CACNG8: variants seen among roughly 807,000 people sequenced by gnomAD.
CACNG8 encodes voltage-dependent calcium channel gamma-8 subunit.
A neutral mutation model predicts 26.9 loss-of-function variants in CACNG8; 5 were observed. The observed-to-expected ratio is 0.19, with a 90% CI of 0.10 to 0.39. The LOEUF (loss-of-function observed/expected upper bound fraction) is 0.39, where lower values mean the gene tolerates loss of function less well. Ranked by LOEUF, CACNG8 falls within the 10% of genes least tolerant of loss-of-function variation. CACNG8 has a pLI of 1.00. For missense variants in CACNG8, 473 were observed against 609.4 expected, an observed-to-expected ratio of 0.78 and a Z score of 2.36; for synonymous variants, 321 against 296.7, an observed-to-expected ratio of 1.08 and a Z score of -0.84.
chr19:53,976,861 T>C (rs113170680), intron 1 of CACNG8, among the ~76,000 whole-genome samples: 3,888 of 152,140 alleles, frequency 0.026, 150 homozygotes, highest in African/African-American at 0.081. Flanking sequence ...TTAGTAGAGA[T>C]AGGGTTTCAC....
At chr19:53,981,219 A>G (rs2069365774) in intron 3 of CACNG8, among the ~76,000 whole-genome samples, 1 of 152,164 alleles carries the variant, frequency 6.6e-6, no homozygotes, top group East Asian at 1.9e-4. Context: ...TCATTAACAG[A>G]GTTCAAAGGA....
intron 1 of CACNG8, among the ~76,000 whole-genome samples, chr19:53,965,045 C>T (rs1600023473): frequency 1.3e-5 from 2 of 152,178 alleles, no homozygotes; most frequent in African/African-American, 2.4e-5. Context: ...GGCACCACCT[C>T]GCTGTTGGGG....
At position 53,982,950 on chromosome 19, in the gene CACNG8, G is replaced by T; in HGVS notation, c.*101G>T. On this transcript the variant is annotated 3_prime_UTR_variant, in exon 4 of 4. Transcript: ENST00000270458. This position sits in a 1 kb window ranked among gnomAD's most constrained non-coding sequence, Gnocchi z 8.4. Reference sequence around the variant, plus strand: ...GGGGCGCCCCCGCTTTCCCCCGTGAGCGCGCTGGAGACTGCTGGGCCCGCC... The same window carrying T: ...GGGGCGCCCCCGCTTTCCCCCGTGATCGCGCTGGAGACTGCTGGGCCCGCC... 1 of 791,416 alleles carries T rather than the reference G, an allele frequency of 1.3e-6. No individual in the cohort carries two copies. The highest frequency in any genetic ancestry group is 1.6e-6 in the Non-Finnish European group (1 of 611,470). The allele number at this position is 791,416 out of a possible 1,614,324, so 49.0% of individuals were successfully genotyped here. A position where few individuals can be genotyped will look rare whatever the true frequency, so the allele number is the denominator to read the frequency against.
rs749888350 is a variant in CACNG8 at position 53,979,861 on chromosome 19, C to G, written c.368-6C>G. 1 of 1,596,606 alleles carries G rather than the reference C, an allele frequency of 6.3e-7. No individual in the cohort carries two copies. The highest frequency in any genetic ancestry group is 8.5e-7 in the Non-Finnish European group (1 of 1,169,650). On this transcript the variant is annotated splice_region_variant and splice_polypyrimidine_tract_variant and intron_variant, in intron 2 of 3. Transcript: ENST00000270458. The stretch of plus-strand genomic sequence containing the variant: ...CCCTCCTTTTCCTTTCCTTCCTCCC[C>G]CGCAGGAGTTGTCCGGGCCTCCAGC...
chr19:53,970,681 C>T (rs2069297201), intron 1 of CACNG8, among the ~76,000 whole-genome samples: 1 of 151,904 alleles, frequency 6.6e-6, no homozygotes, highest in African/African-American at 2.4e-5. Flanking sequence ...CCCTGTAATC[C>T]CAGCATTTTG....
At chr19:53,972,328 CT>C (rs1171175449) in intron 1 of CACNG8, among the ~76,000 whole-genome samples, 10 of 126,636 alleles carry the variant, frequency 7.9e-5, no homozygotes, top group African/African-American at 1.2e-4. Context: ...TGCTTTCTTT[CT>C]TTTTTTTTTC....
rs779859768 is a variant in CACNG8, at chr19:53,978,244, G to A, written c.367+15G>A. The A allele has an allele frequency of 5.0e-6, 8 of 1,606,348 alleles. No individual in the cohort carries two copies. The highest frequency in any genetic ancestry group is 3.3e-5 in the South Asian group (3 of 90,456). On this transcript the variant is annotated intron_variant, in intron 2 of 3. Coordinates refer to ENST00000270458, the MANE Select transcript of CACNG8 (RefSeq NM_031895.6). ...GTATCTACTCCGTACGTGGGGGTCC[G>A]GGACAGACGTGGGGAGTGGGTCAAA...
At chr19:53,981,981 C>CCTCGA in intron 3 of CACNG8, 99 bp from the exon 4 acceptor site, 1 of 1,306,234 alleles carries the variant, frequency 7.7e-7, no homozygotes, top group Non-Finnish European at 9.9e-7. Context: ...CTGGGGGTGG[C>CCTCGA]GCCTGGGCCC....
Position 53,982,249 on chromosome 19 carries a change from C to T in CACNG8, c.678C>T (p.Ile226=), listed in dbSNP as rs200225520. The T allele has an allele frequency of 6.2e-7, 1 of 1,612,738 alleles. No homozygotes were observed. The highest frequency in any genetic ancestry group is 2.2e-5 in the East Asian group (1 of 44,830). Reference sequence around the variant, plus strand: ...TGATAGGCGTGCTGGCCGTCAACATCTACATCGAGCGCAGCCGCGAGGCGC... The same window carrying T: ...TGATAGGCGTGCTGGCCGTCAACATTTACATCGAGCGCAGCCGCGAGGCGC... Residue 226 remains isoleucine (I), a synonymous_variant, in exon 4 of 4, where the codon ATC becomes ATT. Transcript: ENST00000270458. The surrounding 1 kb of genome is among the most constrained non-coding windows in gnomAD (Gnocchi z 8.4).
At chr19:53,978,731 T>G (rs1212088974) in intron 2 of CACNG8, among the ~76,000 whole-genome samples, 4 of 31,970 alleles carry the variant, frequency 1.3e-4, no homozygotes, top group African/African-American at 2.7e-4. Context: ...GTTTTAGGGG[T>G]GGGTGGAAAG....
At chr19:53,980,970 C>T (rs2145941435) in intron 3 of CACNG8, among the ~76,000 whole-genome samples, 1 of 151,908 alleles carries the variant, frequency 6.6e-6, no homozygotes, top group African/African-American at 2.4e-5. Context: ...ATCTGAAAGG[C>T]CGGAGTAGCT....
rs774967866 is a variant in CACNG8 at position 53,982,084 on chromosome 19, G to A, written c.513G>A (p.Leu171=). 1.3e-6 allele frequency: 2 copies of A among 1,582,492 alleles called. No individual in the cohort carries two copies. Among genetic ancestry groups the A allele is most frequent in the Admixed American group, 1.8e-5 (1 of 55,080 alleles). ...CGTCTGACCGTCCCCGCCCAGGCCT[G>A]AGCAACATCATCGGCGTGATCGTGT... Residue 171 remains leucine (L), a synonymous_variant, in exon 4 of 4, where the codon CTG becomes CTA. Transcript: ENST00000270458. This position sits in a 1 kb window ranked among gnomAD's most constrained non-coding sequence, Gnocchi z 8.4.
rs35381014 is a variant in CACNG8, at chr19:53,985,937, C to CGAGAGAGAGAGAGAGAGAGA, written c.*3093_*3112dup. The CGAGAGAGAGAGAGAGAGAGA allele has an allele frequency of 1.4e-5, 2 of 146,658 alleles. No individual in the cohort carries two copies. Among genetic ancestry groups the CGAGAGAGAGAGAGAGAGAGA allele is most frequent in the African/African-American group, 2.5e-5 (1 of 39,250 alleles). 9.1% of individuals were successfully genotyped at this position (146,658 alleles called of 1,614,324 possible). On this transcript the variant is annotated 3_prime_UTR_variant, in exon 4 of 4. Transcript: ENST00000270458. ...TCTAGAGTCTGAAGGCCAAACAGAACGAGAGAGAGAGAGAGAGAGAGAGAA... is the reference window on the plus strand; with the variant it reads ...TCTAGAGTCTGAAGGCCAAACAGAACGAGAGAGAGAGAGAGAGAGAGAGAGAGAGAGAGAGAGAGAGAGAA...
chr19:53,979,230 C>T (rs1448390464), intron 2 of CACNG8, among the ~76,000 whole-genome samples: 2 of 142,012 alleles, frequency 1.4e-5, no homozygotes, highest in Non-Finnish European at 3.0e-5. Context: ...TGAAGACATA[C>T]GAGGCCAAGC....
At position 53,963,539 on chromosome 19, in the gene CACNG8, C is replaced by T. The variant is rs535795383; in HGVS notation, c.283+114C>T. On this transcript the variant is annotated intron_variant, in intron 1 of 3. Transcript: ENST00000270458. ...GGCCCCCTTGGGCACCCCTCCTCCT[C>T]TGCCAGAGGGGCTTCTGCGCCTTCC... 29 of 1,079,294 alleles carry T rather than the reference C, an allele frequency of 2.7e-5. No individual in the cohort carries two copies. In the South Asian group the frequency reaches 3.7e-4, roughly 14 times the overall value. The allele number at this position is 1,079,294 out of a possible 1,614,324, so 66.9% of individuals were successfully genotyped here.
chr19:53,981,731 G>T (rs1042809072), intron 3 of CACNG8, among the ~76,000 whole-genome samples: 1 of 151,992 alleles, frequency 6.6e-6, no homozygotes, highest in Non-Finnish European at 1.5e-5. Flanking sequence ...ATGCAGTCTG[G>T]ACCATTGGCG....
chr19:53,978,334 T>G, intron 2 of CACNG8, 105 bp downstream of exon 2: 1 of 802,292 alleles, frequency 1.2e-6, no homozygotes, highest in Non-Finnish European at 2.1e-6. Flanking sequence ...GGCACTTGGA[T>G]CGACACGCCG....
chr19:53,981,111 G>T lies in CACNG8; in HGVS notation c.509-969G>T, dbSNP rs571630347. On this transcript the variant is annotated intron_variant, in intron 3 of 3. Transcript: ENST00000270458. ...CCTGCTTTATTAAAGGCAAATTTTTGACCAGTAGGGGAGGGCCTAGAATGG... is the reference window on the plus strand; with the variant it reads ...CCTGCTTTATTAAAGGCAAATTTTTTACCAGTAGGGGAGGGCCTAGAATGG... 4.6e-5 allele frequency among the ~76,000 whole-genome samples: 7 copies of T among 152,234 alleles called. No individual in the cohort carries two copies. The South Asian group carries it at 1.5e-3, about 32-fold the overall frequency.
At chr19:53,972,692 T>C (rs1193576005) in intron 1 of CACNG8, among the ~76,000 whole-genome samples, 6 of 152,172 alleles carry the variant, frequency 3.9e-5, no homozygotes, top group Admixed American at 2.0e-4. Context: ...GAAATTTCAC[T>C]GAAGCCCTCT....
Sources: gnomAD v4.1 joint callset for allele counts (sites outside exome capture counted in the v4.1 genomes callset) on GRCh38, gnomAD v4.1.1 for gene constraint, Gnocchi (gnomAD v3.1) non-coding constraint, MANE v1.5 for transcripts, NCBI Gene and HGNC (gene_info 2026-07-23, HGNC 2026-07-21) for gene names.